The following JAK3 variants were observed in gnomAD, a reference collection of about 807,000 sequenced individuals.
JAK3 encodes tyrosine-protein kinase JAK3.
A neutral mutation model predicts 120.8 loss-of-function variants in JAK3; 88 were observed. That is an observed-to-expected ratio of 0.73 (90% CI 0.61 to 0.87). The LOEUF (loss-of-function observed/expected upper bound fraction) is 0.87, where lower values mean the gene tolerates loss of function less well. JAK3 is among the 40% of genes least tolerant of loss of function. The probability of loss-of-function intolerance (pLI) is 0.00; values close to 1 mark genes in which losing one functional copy is unlikely to be tolerated. For missense variants in JAK3, 1,254 were observed against 1,501.4 expected (o/e 0.84, Z 2.72); for synonymous variants, 592 against 628.6 (o/e 0.94, Z 0.87).
rs1599868917 is a variant in JAK3 at position 17,833,111 on chromosome 19, CA to C, written c.2351-183del. Among the ~76,000 whole-genome samples the C allele has an allele frequency of 2.0e-5, 3 of 152,242 alleles. No homozygotes were observed. The East Asian group carries it at 5.8e-4, about 29-fold the overall frequency. ...AAGGTGTCTCCCACTCTGTCCCAGG[CA>C]AAGGAAGCCTCCTCGTGCAGTGCAC... On this transcript the variant is annotated intron_variant, in intron 17 of 23. Transcript: ENST00000458235.
intron 2 of JAK3, 110 bp from the exon 3 acceptor site, chr19:17,844,010 C>A: frequency 7.2e-7 from 1 of 1,379,946 alleles, no homozygotes. Context: ...CAAGGTATGA[C>A]CAGCTGTTCC....
At position 17,831,636 on chromosome 19, in the gene JAK3, A is replaced by G; in HGVS notation, c.2805+38T>C. On this transcript the variant is annotated intron_variant, in intron 20 of 23. Coordinates refer to ENST00000458235, the MANE Select transcript of JAK3 (RefSeq NM_000215.4). This position sits in a 1 kb window ranked among gnomAD's most constrained non-coding sequence, Gnocchi z 5.1. The stretch of plus-strand genomic sequence containing the variant: ...AGCAGACCCCTGCCCAGGCCGTGCC[A>G]GCTGAATCCCCACAAGTCCCGGGGC... 6.3e-7 allele frequency: 1 copy of G among 1,592,172 alleles called. No individual in the cohort carries two copies.
chr19:17,832,892 C>G lies in JAK3; in HGVS notation c.2388G>C (p.Leu796=), dbSNP rs201033948. The G allele has an allele frequency of 1.9e-6, 3 of 1,614,204 alleles. No homozygotes were observed. Among genetic ancestry groups the G allele is most frequent in the South Asian group, 2.2e-5 (2 of 91,082 alleles). The change falls in exon 18 of 24, where the codon CTG becomes CTC. Residue 796 remains leucine (L), a synonymous_variant. Coordinates refer to ENST00000458235, the MANE Select transcript of JAK3 (RefSeq NM_000215.4). The surrounding 1 kb of genome is among the most constrained non-coding windows in gnomAD (Gnocchi z 4.7). ...CATTCCACAGCCCATCACGAGGTGC[C>G]AGGGCACCAGGTGTGGGGTCTGAGA... is the stretch of plus-strand genomic sequence containing the variant. ...ELLSDPTPGA[L]APRDGLWNGA...
At position 17,832,119 on chromosome 19, in the gene JAK3, G is replaced by A. The variant is rs982100903; in HGVS notation, c.2681-321C>T. On this transcript the variant is annotated intron_variant, in intron 19 of 23. Coordinates refer to ENST00000458235, the MANE Select transcript of JAK3 (RefSeq NM_000215.4). This position sits in a 1 kb window ranked among gnomAD's most constrained non-coding sequence, Gnocchi z 4.7. ...TCCACTAAAAACACAAAAATTAGCCGGGTGTGGTGGCACGCTCCTGTAATC... is the reference window on the plus strand; with the variant it reads ...TCCACTAAAAACACAAAAATTAGCCAGGTGTGGTGGCACGCTCCTGTAATC... Among the ~76,000 whole-genome samples the A allele has an allele frequency of 2.0e-5, 3 of 152,088 alleles. No individual in the cohort carries two copies. Among genetic ancestry groups the A allele is most frequent in the East Asian group, 1.9e-4 (1 of 5,186 alleles).
At position 17,842,757 on chromosome 19, in the gene JAK3, G is replaced by A. The variant is rs1300739507; in HGVS notation, c.567-147C>T. 5 of 950,364 alleles carry A rather than the reference G, an allele frequency of 5.3e-6. No individual in the cohort carries two copies. Among genetic ancestry groups the A allele is most frequent in the Non-Finnish European group, 7.7e-6 (5 of 649,398 alleles). 58.9% of individuals were successfully genotyped at this position (950,364 alleles called of 1,614,324 possible). A position where few individuals can be genotyped will look rare whatever the true frequency, so the allele number is the denominator to read the frequency against. On this transcript the variant is annotated intron_variant, in intron 5 of 23. Coordinates refer to ENST00000458235, the MANE Select transcript of JAK3 (RefSeq NM_000215.4). The surrounding 1 kb of genome is among the most constrained non-coding windows in gnomAD (Gnocchi z 6.4). ...CACACAGACTCTCATTCAGGGTCAG[G>A]TATGAGGACCGGACCTCAGAGTAGG...
In JAK3 at chr19:17,837,123, T is replaced by A. The variant is rs372156975; in HGVS notation, c.1786+6A>T. ...GGGGTGGGGTGGGTGGGTGGGGGGC[T>A]CTCACTGTCTCCAGCCATGCACACG... On this transcript the variant is annotated splice_donor_region_variant and intron_variant, in intron 13 of 23. Coordinates refer to ENST00000458235, the MANE Select transcript of JAK3 (RefSeq NM_000215.4). The A allele has an allele frequency of 1.3e-4, 207 of 1,543,988 alleles. No individual in the cohort carries two copies. In the African/African-American group the frequency reaches 2.5e-3, roughly 19 times the overall value.
rs377537930 is a variant in JAK3, at chr19:17,840,039, T to C, written c.1254+191A>G. ...CAGGCGTAAGCCACTGTGCCCAGCCTCAGTCCTTTCTCCTAAAGCACCATG... is the reference window on the plus strand; with the variant it reads ...CAGGCGTAAGCCACTGTGCCCAGCCCCAGTCCTTTCTCCTAAAGCACCATG... On this transcript the variant is annotated intron_variant, in intron 9 of 23. Coordinates refer to ENST00000458235, the MANE Select transcript of JAK3 (RefSeq NM_000215.4). Among the ~76,000 whole-genome samples, 9 of 152,262 alleles carry C rather than the reference T, an allele frequency of 5.9e-5. No individual in the cohort carries two copies. The South Asian group carries it at 8.3e-4, about 14-fold the overall frequency.
Position 17,827,677 on chromosome 19 carries a change from C to T in JAK3, c.3208-767G>A, listed in dbSNP as rs373318420. Among the ~76,000 whole-genome samples, 18 of 130,634 alleles carry T rather than the reference C, an allele frequency of 1.4e-4. No individual in the cohort carries two copies. In the East Asian group the frequency reaches 1.8e-3, roughly 13 times the overall value. 85.7% of individuals were successfully genotyped at this position (130,634 alleles called of 152,430 possible). ...GGATTTTACAACACACTTCTCCTTTCGAGACTACCCTGACCAACATGGAGA... is the reference window on the plus strand; with the variant it reads ...GGATTTTACAACACACTTCTCCTTTTGAGACTACCCTGACCAACATGGAGA... On this transcript the variant is annotated intron_variant, in intron 23 of 23. Coordinates refer to ENST00000458235, the MANE Select transcript of JAK3 (RefSeq NM_000215.4).
At chr19:17,840,163 T>C in intron 9 of JAK3, 67 bp downstream of exon 9, 1 of 1,083,920 alleles carries the variant, frequency 9.2e-7, no homozygotes, top group Non-Finnish European at 1.4e-6. Flanking sequence ...ACTGATCTTT[T>C]AAATCTCAAT....
At chr19:17,846,362 T>A (rs555498464) in intron 1 of JAK3, among the ~76,000 whole-genome samples, 1 of 152,202 alleles carries the variant, frequency 6.6e-6, no homozygotes, top group South Asian at 2.1e-4. Flanking sequence ...GTGGTTACTG[T>A]GGGAAGGGAA....
intron 1 of JAK3, among the ~76,000 whole-genome samples, chr19:17,847,218 G>C (rs1192753901): frequency 3.3e-5 from 5 of 152,060 alleles, no homozygotes; most frequent in Non-Finnish European, 7.4e-5. Flanking sequence ...TTAAAATAAG[G>C]CTTCAGTGGC....
intron 1 of JAK3, 142 bp from the exon 2 acceptor site, chr19:17,844,572 G>A (rs2094247908): frequency 1.4e-6 from 1 of 694,860 alleles, no homozygotes. Context: ...GCCGAGGCGG[G>A]AGGATCACTT....
chr19:17,832,486 C>T lies in JAK3; in HGVS notation c.2680+33G>A, dbSNP rs200252926. ...ATGTGCACTTTGAAAAGCACCCATA[C>T]GTCTTGGTTCACTCATCCGGGAGCT... On this transcript the variant is annotated intron_variant, in intron 19 of 23. Transcript: ENST00000458235. The surrounding 1 kb of genome is among the most constrained non-coding windows in gnomAD (Gnocchi z 4.7). The T allele has an allele frequency of 5.0e-6, 8 of 1,609,772 alleles. No homozygotes were observed. Among genetic ancestry groups the T allele is most frequent in the South Asian group, 1.1e-5 (1 of 91,008 alleles).
At chr19:17,847,254 T>C (rs2094254231) in intron 1 of JAK3, among the ~76,000 whole-genome samples, 1 of 152,180 alleles carries the variant, frequency 6.6e-6, no homozygotes, top group African/African-American at 2.4e-5. Flanking sequence ...CAATCCCAGC[T>C]ACTCAGGGGG....
At chr19:17,833,349 G>A (rs1377022420) in intron 17 of JAK3, among the ~76,000 whole-genome samples, 2 of 152,054 alleles carry the variant, frequency 1.3e-5, no homozygotes, top group African/African-American at 4.8e-5. Flanking sequence ...GGGACCCAAC[G>A]CCTGAGGTGA....
intron 2 of JAK3, 53 bp downstream of exon 2, chr19:17,844,180 GC>G (rs2094246480): frequency 5.3e-6 from 8 of 1,505,250 alleles, no homozygotes; most frequent in Non-Finnish European, 7.2e-6. Context: ...TCCAATCTTG[GC>G]CCCACACAGC....
Position 17,843,022 on chromosome 19 carries a change from C to T in JAK3, c.566+5G>A, listed in dbSNP as rs2094243729. 1 of 1,610,100 alleles carries T rather than the reference C, an allele frequency of 6.2e-7. No individual in the cohort carries two copies. Among genetic ancestry groups the T allele is most frequent in the East Asian group, 2.2e-5 (1 of 44,878 alleles). ...AGGCCGTCCCCACAGCCTGGTGGCT[C>T]TCACCTGACAGTCTTCAGCAGCTCT... On this transcript the variant is annotated splice_donor_5th_base_variant and intron_variant, in intron 5 of 23. Coordinates refer to ENST00000458235, the MANE Select transcript of JAK3 (RefSeq NM_000215.4). The surrounding 1 kb of genome is among the most constrained non-coding windows in gnomAD (Gnocchi z 5.4).
chr19:17,843,764 G>A lies in JAK3; in HGVS notation c.308+13C>T, dbSNP rs376918977. 5 of 1,613,250 alleles carry A rather than the reference G, an allele frequency of 3.1e-6. No individual in the cohort carries two copies. Among genetic ancestry groups the A allele is most frequent in the Non-Finnish European group, 3.4e-6 (4 of 1,179,956 alleles). ...AATTGTACAATCCCTGGGGGCTGGG[G>A]GGCACTTCCTACCGAATCCTGTACA... On this transcript the variant is annotated intron_variant, in intron 3 of 23. Coordinates refer to ENST00000458235, the MANE Select transcript of JAK3 (RefSeq NM_000215.4). This position sits in a 1 kb window ranked among gnomAD's most constrained non-coding sequence, Gnocchi z 5.4.
Position 17,841,240 on chromosome 19 carries a change from C to T in JAK3, c.1142+149G>A. On this transcript the variant is annotated intron_variant, in intron 8 of 23. Transcript: ENST00000458235. The surrounding 1 kb of genome is among the most constrained non-coding windows in gnomAD (Gnocchi z 4.1). ...GCCCTGTGAAGCAGAAGGAATACTT[C>T]AGCTTCACTGAGCGCTGACTGTGCG... 2 of 747,790 alleles carry T rather than the reference C, an allele frequency of 2.7e-6. No individual in the cohort carries two copies. The highest frequency in any genetic ancestry group is 4.3e-6 in the Non-Finnish European group (2 of 467,040). The allele number at this position is 747,790 out of a possible 1,614,324, so 46.3% of individuals were successfully genotyped here.
Sources: allele counts gnomAD v4.1 joint callset (sites outside exome capture counted in the v4.1 genomes callset), GRCh38; gene constraint gnomAD v4.1.1; non-coding constraint Gnocchi (gnomAD v3.1); transcripts MANE v1.5; gene names NCBI Gene and HGNC (gene_info 2026-07-23, HGNC 2026-07-21).